Variants in RAB3C observed in about 807,000 individuals in gnomAD.
RAB3C encodes the protein ras-related protein Rab-3C.
A neutral mutation model predicts 26.4 loss-of-function variants in RAB3C; 17 were observed. The observed-to-expected ratio is 0.64, with a 90% CI of 0.44 to 0.97. The LOEUF is 0.97. Ranked by LOEUF, RAB3C falls within the 50% of genes least tolerant of loss-of-function variation. RAB3C has a pLI of 0.00. For synonymous variants in RAB3C, 91 were observed against 95.9 expected (o/e 0.95, Z 0.30); for missense variants, 242 against 281.9 (o/e 0.86, Z 1.01).
In RAB3C at chr5:58,712,542, C is replaced by T. The variant is rs150596601; in HGVS notation, c.253-13460C>T. On this transcript the variant is annotated intron_variant, in intron 2 of 4. Transcript: ENST00000282878. ...AGCCATTTGATAGATTTTTTTTTCT[C>T]GAGACAGAGTCTGGCTCTATCACCC... is the stretch of plus-strand genomic sequence containing the variant. Among the ~76,000 whole-genome samples the T allele has an allele frequency of 3.2e-4, 49 of 151,790 alleles. 1 individual carries two copies. In the East Asian group the frequency reaches 9.3e-3, roughly 29 times the overall value.
intron 4 of RAB3C, among the ~76,000 whole-genome samples, chr5:58,840,489 T>C (rs1162188469): frequency 1.3e-5 from 2 of 152,358 alleles, no homozygotes; most frequent in East Asian, 3.9e-4. Context: ...TTGAGGTCTG[T>C]TACTTGAGAA....
At chr5:58,751,420 T>G (rs1173477277) in intron 3 of RAB3C, among the ~76,000 whole-genome samples, 1 of 152,106 alleles carries the variant, frequency 6.6e-6, no homozygotes, top group Non-Finnish European at 1.5e-5. Context: ...AGCAGCTCAC[T>G]GAGGAGCAAT....
At chr5:58,648,089 A>G (rs1410340092) in intron 2 of RAB3C, among the ~76,000 whole-genome samples, 2 of 152,204 alleles carry the variant, frequency 1.3e-5, no homozygotes, top group Non-Finnish European at 2.9e-5. Context: ...CCTGGGCCAC[A>G]GTTTCCTCAC....
intron 3 of RAB3C, among the ~76,000 whole-genome samples, chr5:58,770,954 A>G (rs1742019321): frequency 6.6e-6 from 1 of 152,202 alleles, no homozygotes; most frequent in African/African-American, 2.4e-5. Flanking sequence ...GAATTAAATA[A>G]GAATGGTTTA....
chr5:58,825,565 T>G (rs181273425), intron 4 of RAB3C, among the ~76,000 whole-genome samples: 1 of 152,172 alleles, frequency 6.6e-6, no homozygotes, highest in Non-Finnish European at 1.5e-5. Flanking sequence ...ACAGAATAGG[T>G]CACATCCTAG....
At chr5:58,830,382 G>A (rs912439200) in intron 4 of RAB3C, among the ~76,000 whole-genome samples, 2 of 152,162 alleles carry the variant, frequency 1.3e-5, no homozygotes, top group African/African-American at 4.8e-5. Flanking sequence ...CTAATGGGGG[G>A]AGTTTGCATT....
At chr5:58,795,609 C>G (rs10805509) in intron 3 of RAB3C, among the ~76,000 whole-genome samples, 76,787 of 151,684 alleles carry the variant, frequency 0.51, 20,901 homozygotes, top group South Asian at 0.62. Context: ...AAATTATTGA[C>G]AGAGTGGGAG....
chr5:58,776,283 C>G (rs927048255), intron 3 of RAB3C, among the ~76,000 whole-genome samples: 1 of 152,038 alleles, frequency 6.6e-6, no homozygotes, highest in Non-Finnish European at 1.5e-5. Context: ...TTTCCCTCCC[C>G]GCTACCCCCA....
intron 2 of RAB3C, among the ~76,000 whole-genome samples, chr5:58,693,010 G>A (rs528770232): frequency 5.3e-5 from 8 of 151,918 alleles, no homozygotes; most frequent in Non-Finnish European, 7.4e-5. Context: ...AGGAGGCTGA[G>A]GCAGGAGAAT....
rs1747870624 is a variant in RAB3C, at chr5:58,660,129, TTACCTTG to T, written c.252+42260_252+42266del. 6.3e-5 allele frequency among the ~76,000 whole-genome samples: 9 copies of T among 142,416 alleles called. 1 individual carries two copies. The highest frequency in any genetic ancestry group is 2.2e-4 in the African/African-American group (7 of 32,344). 93.4% of individuals were successfully genotyped at this position (142,416 alleles called of 152,430 possible). A position where few individuals can be genotyped will look rare whatever the true frequency, so the allele number is the denominator to read the frequency against. On this transcript the variant is annotated intron_variant, in intron 2 of 4. Transcript: ENST00000282878. ...TTTTCTTAAATTCCTAATACAGCAA[TTACCTTG>T]GGATGAAGAAATAAAACAAAACAAA...
chr5:58,694,913 G>A (rs1158330835), intron 2 of RAB3C, among the ~76,000 whole-genome samples: 2 of 152,240 alleles, frequency 1.3e-5, no homozygotes, highest in Admixed American at 1.3e-4. Flanking sequence ...TTCTTTTGCC[G>A]TGCAGAGGCT....
At chr5:58,683,871 A>G (rs1748394849) in intron 2 of RAB3C, among the ~76,000 whole-genome samples, 1 of 152,194 alleles carries the variant, frequency 6.6e-6, no homozygotes, top group Non-Finnish European at 1.5e-5. Flanking sequence ...CTCTTACTTA[A>G]CTTAATAATC....
intron 2 of RAB3C, among the ~76,000 whole-genome samples, chr5:58,673,898 G>A (rs911150974): frequency 1.3e-5 from 2 of 152,142 alleles, no homozygotes; most frequent in Admixed American, 1.3e-4. Context: ...ACTTTGTCCA[G>A]CACCAGCACA....
At chr5:58,720,421 A>G (rs1391095179) in intron 2 of RAB3C, among the ~76,000 whole-genome samples, 4 of 151,966 alleles carry the variant, frequency 2.6e-5, no homozygotes, top group African/African-American at 7.2e-5. Context: ...TATACTGAGC[A>G]TAATTTAATC....
rs1370302592 is a variant in RAB3C at position 58,854,905 on chromosome 5, A to C, written c.*3554A>C. 1.3e-5 allele frequency: 2 copies of C among 152,186 alleles called. No homozygotes were observed. The highest frequency in any genetic ancestry group is 6.6e-5 in the Admixed American group (1 of 15,266). The allele number at this position is 152,186 out of a possible 1,614,324, so 9.4% of individuals were successfully genotyped here. A position where few individuals can be genotyped will look rare whatever the true frequency, so the allele number is the denominator to read the frequency against. On this transcript the variant is annotated 3_prime_UTR_variant, in exon 5 of 5. Coordinates refer to ENST00000282878, the MANE Select transcript of RAB3C (RefSeq NM_138453.4). Reference sequence around the variant, plus strand: ...ATTAATTATAGGCCTTTTGTTTAGTACACTGGTTATTTTTTAAGGAACCAA... The same window carrying C: ...ATTAATTATAGGCCTTTTGTTTAGTCCACTGGTTATTTTTTAAGGAACCAA...
intron 3 of RAB3C, among the ~76,000 whole-genome samples, chr5:58,731,657 C>T (rs1741022753): frequency 6.6e-6 from 1 of 152,126 alleles, no homozygotes; most frequent in Non-Finnish European, 1.5e-5. Flanking sequence ...GTATAACTGA[C>T]CATTGATCTC....
At chr5:58,656,198 T>C (rs1157095709) in intron 2 of RAB3C, among the ~76,000 whole-genome samples, 1 of 152,184 alleles carries the variant, frequency 6.6e-6, no homozygotes, top group African/African-American at 2.4e-5. Flanking sequence ...CAAAAACAAC[T>C]AGAAGTTTTG....
At position 58,851,077 on chromosome 5, in the gene RAB3C, C is replaced by T. The variant is rs1320332238; in HGVS notation, c.497-87C>T. ...CCACCCACTGATGTCTCACCATCAC[C>T]TCATCACTATTGAAAGCCATAATCA... On this transcript the variant is annotated intron_variant, in intron 4 of 4. Transcript: ENST00000282878. 5.4e-6 allele frequency: 7 copies of T among 1,304,658 alleles called. No homozygotes were observed. The East Asian group carries it at 9.4e-5, about 17-fold the overall frequency. 80.8% of individuals were successfully genotyped at this position (1,304,658 alleles called of 1,614,324 possible).
At chr5:58,710,582 G>C (rs1333416986) in intron 2 of RAB3C, among the ~76,000 whole-genome samples, 1 of 149,958 alleles carries the variant, frequency 6.7e-6, no homozygotes, top group African/African-American at 2.5e-5. Flanking sequence ...CTGGGCAAAA[G>C]AGCAAGACTC....
Sources: allele counts gnomAD v4.1 joint callset (sites outside exome capture counted in the v4.1 genomes callset), GRCh38; gene constraint gnomAD v4.1.1; transcripts MANE v1.5; gene names NCBI Gene and HGNC (gene_info 2026-07-23, HGNC 2026-07-21).